FBXL17: variants seen among roughly 807,000 people sequenced by gnomAD.
FBXL17 encodes F-box and leucine rich repeat protein 17, also known as F-box/LRR-repeat protein 17.
In FBXL17, 22 loss-of-function variants were observed where a neutral mutation model predicts 66.2. The ratio of observed to expected loss-of-function variants is 0.33; its 90% confidence interval spans 0.24 to 0.47. The LOEUF (loss-of-function observed/expected upper bound fraction) is 0.47, where lower values mean the gene tolerates loss of function less well. Ranked by LOEUF, FBXL17 falls within the 20% of genes least tolerant of loss-of-function variation. FBXL17 has a pLI of 1.00. For synonymous variants in FBXL17, 474 were observed against 400.5 expected (o/e 1.18, Z -2.19); for missense variants, 878 against 948.2 (o/e 0.93, Z 0.97).
chr5:108,179,023 G>A (rs1580563567), intron 6 of FBXL17, among the ~76,000 whole-genome samples: 1 of 152,286 alleles, frequency 6.6e-6, no homozygotes, highest in East Asian at 1.9e-4. Context: ...GGATTGAAAT[G>A]AAATAAAATT....
chr5:108,380,840 G>A lies in FBXL17; in HGVS notation c.852C>T (p.Thr284=), dbSNP rs954992422. The A allele has an allele frequency of 2.4e-6, 3 of 1,246,936 alleles. No homozygotes were observed. The highest frequency in any genetic ancestry group is 4.2e-5 in the Admixed American group (1 of 23,702). 77.2% of individuals were successfully genotyped at this position (1,246,936 alleles called of 1,614,324 possible). A position where few individuals can be genotyped will look rare whatever the true frequency, so the allele number is the denominator to read the frequency against. The part of the protein sequence containing the change: ...AGGDAVRAGG[T]APLSAQQQHE... ...GCTGCTGCTGGGCGGACAAGGGGGC[G>A]GTGCCCCCGGCTCGGACAGCGTCCC... Residue 284 remains threonine, a synonymous_variant, in exon 1 of 9, where the codon ACC becomes ACT. Transcript: ENST00000542267.
At chr5:108,320,731 T>C (rs1434026140) in intron 4 of FBXL17, among the ~76,000 whole-genome samples, 1 of 151,804 alleles carries the variant, frequency 6.6e-6, no homozygotes, top group Non-Finnish European at 1.5e-5. Flanking sequence ...AAAACCCTCA[T>C]TTTTACAATT....
intron 5 of FBXL17, among the ~76,000 whole-genome samples, chr5:108,217,523 C>G (rs1294586066): frequency 6.6e-6 from 1 of 151,896 alleles, no homozygotes; most frequent in Non-Finnish European, 1.5e-5. Context: ...TTAATTTCCT[C>G]TCTTCTTTTT....
At chr5:108,365,228 A>T (rs951350823) in intron 2 of FBXL17, among the ~76,000 whole-genome samples, 9 of 152,076 alleles carry the variant, frequency 5.9e-5, no homozygotes, top group African/African-American at 1.9e-4. Flanking sequence ...AAACTCTTGG[A>T]ATTTCCTAAG....
chr5:108,354,320 G>A (rs1747827232), intron 3 of FBXL17, among the ~76,000 whole-genome samples: 1 of 152,094 alleles, frequency 6.6e-6, no homozygotes, highest in Non-Finnish European at 1.5e-5. Context: ...GAGCTTTAAT[G>A]GGAAAAGTAG....
At chr5:108,367,755 G>C in intron 2 of FBXL17, 76 bp downstream of exon 2, 1 of 1,282,354 alleles carries the variant, frequency 7.8e-7, no homozygotes, top group Non-Finnish European at 1.1e-6. Context: ...CAAGAAGACA[G>C]TAAAGATTTC....
intron 1 of FBXL17, among the ~76,000 whole-genome samples, chr5:108,378,431 C>T (rs1749603482): frequency 1.3e-5 from 2 of 152,180 alleles, no homozygotes; most frequent in Admixed American, 6.5e-5. Flanking sequence ...TATTGACTCC[C>T]TACCAGGAGA....
chr5:108,067,840 A>C (rs550254493), intron 6 of FBXL17, among the ~76,000 whole-genome samples: 1 of 152,184 alleles, frequency 6.6e-6, no homozygotes, highest in Non-Finnish European at 1.5e-5. Context: ...ATTCATAAAT[A>C]TTTGTCACTC....
At chr5:108,114,352 A>C (rs1180024049) in intron 6 of FBXL17, among the ~76,000 whole-genome samples, 1 of 151,986 alleles carries the variant, frequency 6.6e-6, no homozygotes, top group Non-Finnish European at 1.5e-5. Flanking sequence ...CTTGTTTCCA[A>C]ATTATTATAA....
rs976979653 is a variant in FBXL17 at position 107,873,957 on chromosome 5, A to T, written c.1965+7080T>A. Among the ~76,000 whole-genome samples the T allele has an allele frequency of 5.9e-5, 9 of 152,314 alleles. No individual in the cohort carries two copies. The South Asian group carries it at 1.9e-3, about 32-fold the overall frequency. ...CATCAATCCCATAACAGAGGCCAGC[A>T]AAACATAAGCAGCTACTTGCAGCAC... On this transcript the variant is annotated intron_variant, in intron 8 of 8. Transcript: ENST00000542267.
intron 4 of FBXL17, among the ~76,000 whole-genome samples, chr5:108,335,945 A>G (rs889051037): frequency 2.6e-5 from 4 of 152,182 alleles, no homozygotes; most frequent in South Asian, 2.1e-4. Context: ...ATCCAAGGAT[A>G]AACAATAGTT....
intron 4 of FBXL17, among the ~76,000 whole-genome samples, chr5:108,334,150 G>C (rs2150244049): frequency 6.6e-6 from 1 of 152,136 alleles, no homozygotes; most frequent in South Asian, 2.1e-4. Flanking sequence ...AGGTAATTAA[G>C]GTTAAAAAAT....
chr5:108,353,396 T>G (rs1299599074), intron 3 of FBXL17, among the ~76,000 whole-genome samples: 1 of 152,178 alleles, frequency 6.6e-6, no homozygotes, highest in African/African-American at 2.4e-5. Flanking sequence ...TGGATAAGTC[T>G]GATAATTAAA....
At chr5:108,303,400 C>CACA (rs1561517471) in intron 4 of FBXL17, among the ~76,000 whole-genome samples, 1 of 140,748 alleles carries the variant, frequency 7.1e-6, no homozygotes, top group Non-Finnish European at 1.6e-5. Context: ...ACACACATAC[C>CACA]CACACACAAG....
intron 7 of FBXL17, among the ~76,000 whole-genome samples, chr5:107,942,734 T>C (rs1751150588): frequency 6.6e-6 from 1 of 151,144 alleles, no homozygotes; most frequent in Non-Finnish European, 1.5e-5. Context: ...CGATCTCCCA[T>C]TCTCTGTGTA....
At chr5:108,232,794 T>TATATATATATATATATATATATATAAA (rs1294290778) in intron 4 of FBXL17, among the ~76,000 whole-genome samples, 11 of 124,852 alleles carry the variant, frequency 8.8e-5, no homozygotes, top group African/African-American at 3.2e-4. Flanking sequence ...TATATATATA[T>TATATATATATATATATATATATATAAA]ATATATATAT....
At chr5:108,074,050 T>C (rs989196150) in intron 6 of FBXL17, among the ~76,000 whole-genome samples, 2 of 152,208 alleles carry the variant, frequency 1.3e-5, no homozygotes, top group African/African-American at 4.8e-5. Context: ...TTTACCACCA[T>C]TACCTGTTTT....
chr5:108,057,712 T>G (rs1458666929), intron 6 of FBXL17, among the ~76,000 whole-genome samples: 1 of 152,224 alleles, frequency 6.6e-6, no homozygotes, highest in Admixed American at 6.5e-5. Flanking sequence ...TACTTTTTCT[T>G]AAATCCGTCC....
At chr5:108,171,907 G>A (rs1342196670) in intron 6 of FBXL17, among the ~76,000 whole-genome samples, 1 of 151,896 alleles carries the variant, frequency 6.6e-6, no homozygotes, top group Non-Finnish European at 1.5e-5. Context: ...AGATCTGATG[G>A]TTTTAAAAAG....
Sources: allele counts gnomAD v4.1 joint callset (sites outside exome capture counted in the v4.1 genomes callset), GRCh38; gene constraint gnomAD v4.1.1; transcripts MANE v1.5; gene names NCBI Gene and HGNC (gene_info 2026-07-23, HGNC 2026-07-21).